Variants in TAF3 observed in about 807,000 individuals in gnomAD.
TAF3 encodes TATA-box binding protein associated factor 3, also known as transcription initiation factor TFIID subunit 3.
A neutral mutation model predicts 80.6 loss-of-function variants in TAF3; 7 were observed. The ratio of observed to expected loss-of-function variants is 0.09; its 90% CI spans 0.05 to 0.16. TAF3 has a LOEUF of 0.16. TAF3 is among the 10% of genes least tolerant of loss of function. The pLI, the probability that TAF3 is intolerant of heterozygous loss-of-function variation, is 1.00. For synonymous variants in TAF3, 444 were observed against 446.1 expected, an observed-to-expected ratio of 1.00 and a Z score of 0.06; for missense variants, 921 against 1,140.2, an observed-to-expected ratio of 0.81 and a Z score of 2.77.
intron 2 of TAF3, among the ~76,000 whole-genome samples, chr10:7,851,403 G>T (rs1837025475): frequency 6.6e-6 from 1 of 152,212 alleles, no homozygotes; most frequent in Non-Finnish European, 1.5e-5. Context: ...GTTAGGAGAG[G>T]AGGGATCAAG....
intron 2 of TAF3, among the ~76,000 whole-genome samples, chr10:7,855,009 GTGT>G (rs938508563): frequency 2.6e-5 from 4 of 152,198 alleles, no homozygotes; most frequent in Non-Finnish European, 4.4e-5. Flanking sequence ...GGGTTTTAAG[GTGT>G]TGTTGTAGTT....
intron 2 of TAF3, among the ~76,000 whole-genome samples, chr10:7,873,629 C>CCCCCCCCAAA (rs373179493): frequency 4.9e-5 from 7 of 143,194 alleles, no homozygotes; most frequent in Non-Finnish European, 7.6e-5. Flanking sequence ...CCCCCCCCCC[C>CCCCCCCCAAA]GTCAAAAGGG....
intron 2 of TAF3, among the ~76,000 whole-genome samples, chr10:7,861,482 C>G (rs1837146993): frequency 6.6e-6 from 1 of 152,216 alleles, no homozygotes; most frequent in South Asian, 2.1e-4. Context: ...TCCTTGTTAT[C>G]TGATGGGACA....
In TAF3 at chr10:7,914,192, T is replaced by C. The variant is rs532322653; in HGVS notation, c.410-49728T>C. ...ATGATGGCGATGTGGTTATACATAT[T>C]CTTAAAATACCTTTTCTATTAGAAA... On this transcript the variant is annotated intron_variant, in intron 2 of 6. Transcript: ENST00000344293. 3.9e-5 allele frequency among the ~76,000 whole-genome samples: 6 copies of C among 152,354 alleles called. No individual in the cohort carries two copies. The East Asian group carries it at 1.2e-3, about 29-fold the overall frequency.
chr10:7,919,054 G>A (rs1009709919), intron 2 of TAF3, among the ~76,000 whole-genome samples: 4 of 152,036 alleles, frequency 2.6e-5, no homozygotes, highest in Non-Finnish European at 5.9e-5. Context: ...AAAAGCCCCT[G>A]GACATAGAGG....
At chr10:7,845,280 T>A (rs1564345997) in intron 2 of TAF3, among the ~76,000 whole-genome samples, 2 of 150,968 alleles carry the variant, frequency 1.3e-5, no homozygotes, top group Non-Finnish European at 2.9e-5. Context: ...ACTGCTGTTA[T>A]TTTTTTGACG....
At chr10:7,971,498 A>G (rs1831623075) in intron 3 of TAF3, among the ~76,000 whole-genome samples, 1 of 152,078 alleles carries the variant, frequency 6.6e-6, no homozygotes, top group Admixed American at 6.6e-5. Flanking sequence ...AAAAGAATAA[A>G]AAAATAAAAA....
chr10:7,911,261 T>C (rs1472767322), intron 2 of TAF3, among the ~76,000 whole-genome samples: 1 of 152,194 alleles, frequency 6.6e-6, no homozygotes, highest in African/African-American at 2.4e-5. Context: ...CCATGAGGCA[T>C]TGTGATTATA....
intron 4 of TAF3, among the ~76,000 whole-genome samples, chr10:8,005,781 T>A (rs940740724): frequency 6.6e-6 from 1 of 152,228 alleles, no homozygotes; most frequent in Non-Finnish European, 1.5e-5. Context: ...ACCCTCTGGA[T>A]ATAAATGCCA....
chr10:7,837,627 A>T (rs1836865513), intron 2 of TAF3, among the ~76,000 whole-genome samples: 1 of 152,218 alleles, frequency 6.6e-6, no homozygotes, highest in South Asian at 2.1e-4. Context: ...TGGGCAAAAG[A>T]GCAAGACTCT....
intron 4 of TAF3, among the ~76,000 whole-genome samples, chr10:7,982,807 G>T (rs978570464): frequency 6.6e-6 from 1 of 152,170 alleles, no homozygotes; most frequent in Non-Finnish European, 1.5e-5. Context: ...GACAAAGATG[G>T]TGTCCTCCAC....
At chr10:7,951,560 T>A (rs922872574) in intron 2 of TAF3, among the ~76,000 whole-genome samples, 1 of 152,206 alleles carries the variant, frequency 6.6e-6, no homozygotes. Flanking sequence ...TCTGTCACAT[T>A]TGCCCATTGG....
chr10:7,973,892 G>A (rs776323269), intron 3 of TAF3, among the ~76,000 whole-genome samples: 1 of 152,160 alleles, frequency 6.6e-6, no homozygotes, highest in Non-Finnish European at 1.5e-5. Context: ...CACTTTGGGA[G>A]GCTGAGGCAG....
chr10:7,943,873 T>C (rs988486955), intron 2 of TAF3, among the ~76,000 whole-genome samples: 2 of 152,178 alleles, frequency 1.3e-5, no homozygotes, highest in Non-Finnish European at 2.9e-5. Flanking sequence ...TATAACTGAT[T>C]TGCTTTATTT....
intron 2 of TAF3, among the ~76,000 whole-genome samples, chr10:7,923,658 A>T (rs1837787865): frequency 1.3e-5 from 2 of 151,758 alleles, no homozygotes; most frequent in African/African-American, 4.8e-5. Context: ...TATTCAATAG[A>T]GTAGCGGATA....
At chr10:7,930,098 T>G (rs1837854454) in intron 2 of TAF3, among the ~76,000 whole-genome samples, 1 of 152,158 alleles carries the variant, frequency 6.6e-6, no homozygotes. Context: ...CTTAGGAGCC[T>G]GAGGCGGGAG....
At chr10:7,838,048 A>G (rs948995898) in intron 2 of TAF3, among the ~76,000 whole-genome samples, 5 of 152,234 alleles carry the variant, frequency 3.3e-5, no homozygotes, top group African/African-American at 1.2e-4. Flanking sequence ...CAGGTCCTAA[A>G]GGCAGATGCT....
chr10:7,866,863 G>A (rs949901412), intron 2 of TAF3, among the ~76,000 whole-genome samples: 2 of 152,218 alleles, frequency 1.3e-5, no homozygotes, highest in Non-Finnish European at 2.9e-5. Flanking sequence ...TTTATGGTGC[G>A]CTCTAAAAAG....
At chr10:7,952,604 G>A (rs191405849) in intron 2 of TAF3, among the ~76,000 whole-genome samples, 2 of 152,264 alleles carry the variant, frequency 1.3e-5, no homozygotes, top group African/African-American at 4.8e-5. Context: ...GTCATTTCAG[G>A]TTGGCTTGCT....
Sources: allele counts gnomAD v4.1 joint callset (sites outside exome capture counted in the v4.1 genomes callset), GRCh38; gene constraint gnomAD v4.1.1; transcripts MANE v1.5; gene names NCBI Gene and HGNC (gene_info 2026-07-23, HGNC 2026-07-21).